KDM4C: variants seen among roughly 807,000 people sequenced by gnomAD.
KDM4C encodes lysine-specific demethylase 4C.
KDM4C carries 81 observed loss-of-function variants against 129.3 expected under a neutral mutation model. The observed-to-expected ratio is 0.63, with a 90% CI of 0.52 to 0.75. The LOEUF is 0.75. KDM4C is among the 30% of genes least tolerant of loss of function. The probability of loss-of-function intolerance (pLI) is 0.00; values close to 1 mark genes in which losing one functional copy is unlikely to be tolerated. For synonymous variants in KDM4C, 573 were observed against 456.1 expected (o/e 1.26, Z -3.26); for missense variants, 1,457 against 1,304.0 (o/e 1.12, Z -1.81).
In KDM4C at chr9:7,039,770, C is replaced by A. The variant is rs547320435; in HGVS notation, c.2260-7092C>A. ...AGTGGATCATCATAAAGGTCTTCAT[C>A]CTTGTTATCTTCATGTTGAGTAGGC... is the stretch of plus-strand genomic sequence containing the variant. On this transcript the variant is annotated intron_variant, in intron 15 of 21. Coordinates refer to ENST00000381309, the MANE Select transcript of KDM4C (RefSeq NM_015061.6). 6.6e-5 allele frequency among the ~76,000 whole-genome samples: 10 copies of A among 152,030 alleles called. No individual in the cohort carries two copies. In the East Asian group the frequency reaches 1.9e-3, roughly 29 times the overall value.
intron 4 of KDM4C, among the ~76,000 whole-genome samples, chr9:6,822,452 A>G (rs1478331790): frequency 6.6e-6 from 1 of 152,248 alleles, no homozygotes; most frequent in Admixed American, 6.5e-5. Flanking sequence ...ATTGCAAGAA[A>G]GAAATTGGAG....
intron 15 of KDM4C, among the ~76,000 whole-genome samples, chr9:7,023,089 G>GCTT (rs1825171165): frequency 6.6e-6 from 1 of 152,110 alleles, no homozygotes; most frequent in African/African-American, 2.4e-5. Context: ...GTTCATCAGG[G>GCTT]CTATTGGCTG....
chr9:7,043,629 G>A (rs916081278), intron 15 of KDM4C, among the ~76,000 whole-genome samples: 5 of 151,818 alleles, frequency 3.3e-5, no homozygotes, highest in African/African-American at 1.2e-4. Flanking sequence ...GACCCTCTGA[G>A]GGCCATTGAG....
At chr9:6,969,588 A>ACATGACT (rs1463533460) in intron 8 of KDM4C, among the ~76,000 whole-genome samples, 1 of 152,210 alleles carries the variant, frequency 6.6e-6, no homozygotes, top group East Asian at 1.9e-4. Flanking sequence ...GGATCACATC[A>ACATGACT]CATGACTGTC....
intron 1 of KDM4C, among the ~76,000 whole-genome samples, chr9:6,766,131 G>A (rs59844726): frequency 0.096 from 14,661 of 152,174 alleles, 829 homozygotes; most frequent in Non-Finnish European, 0.11. Context: ...TGTATAGGTT[G>A]AGTATTCCTT....
At chr9:6,847,686 G>C (rs1838101713) in intron 4 of KDM4C, among the ~76,000 whole-genome samples, 1 of 152,128 alleles carries the variant, frequency 6.6e-6, no homozygotes, top group South Asian at 2.1e-4. Context: ...CTCCGCGCCC[G>C]GCCGGATCTT....
At chr9:7,019,686 T>TTATAAAAATATTATATTTTTATA (rs1563992577) in intron 15 of KDM4C, among the ~76,000 whole-genome samples, 846 of 58,552 alleles carry the variant, frequency 0.014, 41 homozygotes, top group East Asian at 0.058. Flanking sequence ...AGAGACTATA[T>TTATAAAAATATTATATTTTTATA]TATAAAAATA....
intron 4 of KDM4C, among the ~76,000 whole-genome samples, chr9:6,823,820 G>A (rs988439477): frequency 1.3e-5 from 2 of 152,194 alleles, no homozygotes; most frequent in Non-Finnish European, 2.9e-5. Context: ...AATATCTGAT[G>A]GGCCTCCTTC....
chr9:6,816,990 G>A (rs1398873481), intron 4 of KDM4C, among the ~76,000 whole-genome samples: 1 of 151,730 alleles, frequency 6.6e-6, no homozygotes, highest in Non-Finnish European at 1.5e-5. Context: ...TTTCAAAGAC[G>A]ATTCTTATTT....
intron 8 of KDM4C, among the ~76,000 whole-genome samples, chr9:6,899,542 G>GAT (rs1554633823): frequency 6.7e-5 from 10 of 150,054 alleles, no homozygotes; most frequent in Non-Finnish European, 1.2e-4. Context: ...TTTCCATGGG[G>GAT]GTGTGTGTGT....
At chr9:7,126,109 G>A (rs1389169211) in intron 18 of KDM4C, among the ~76,000 whole-genome samples, 2 of 152,176 alleles carry the variant, frequency 1.3e-5, no homozygotes, top group African/African-American at 4.8e-5. Flanking sequence ...TCTGAGAGAA[G>A]TCATTTATTC....
intron 1 of KDM4C, among the ~76,000 whole-genome samples, chr9:6,770,818 C>T (rs537585174): frequency 7.4e-6 from 1 of 135,506 alleles, no homozygotes; most frequent in Admixed American, 8.2e-5. Flanking sequence ...CTCTGTCGCT[C>T]AGGCTGGAAT....
In KDM4C at chr9:6,722,352, C is replaced by G. The variant is rs569808581; in HGVS notation, c.49+1355C>G. On this transcript the variant is annotated intron_variant, in intron 1 of 17. Coordinates refer to the KDM4C transcript ENST00000536108. ...TGAAATGGAAAAGATTTCCCTGGGT[C>G]TGATAGTACATGCTACCCATCAGTG... 7.2e-4 allele frequency among the ~76,000 whole-genome samples: 110 copies of G among 152,172 alleles called. 1 individual carries two copies. Among genetic ancestry groups the G allele is most frequent in the Admixed American group, 1.8e-3 (28 of 15,254 alleles).
intron 17 of KDM4C, among the ~76,000 whole-genome samples, chr9:7,051,137 A>T (rs755754234): frequency 1.3e-5 from 2 of 152,194 alleles, no homozygotes; most frequent in African/African-American, 4.8e-5. Flanking sequence ...TATTTTTCAT[A>T]TAATGTTATA....
intron 8 of KDM4C, among the ~76,000 whole-genome samples, chr9:6,959,418 A>G (rs116480429): frequency 0.018 from 2,759 of 152,242 alleles, 88 homozygotes; most frequent in African/African-American, 0.062. Flanking sequence ...TGCCTTGAAG[A>G]ATGATTTCTG....
In KDM4C at chr9:7,080,416, T is replaced by C. The variant is rs115978269; in HGVS notation, c.2425-23269T>C. ...CCAGTACTGTTATCTGAGCAAGAAG[T>C]GAGGTTCTGTTGTGTTAAGGCCATT... On this transcript the variant is annotated intron_variant, in intron 17 of 21. Coordinates refer to ENST00000381309, the MANE Select transcript of KDM4C (RefSeq NM_015061.6). 2.7e-3 allele frequency among the ~76,000 whole-genome samples: 406 copies of C among 152,232 alleles called. 1 individual carries two copies. Among genetic ancestry groups the C allele is most frequent in the African/African-American group, 9.3e-3 (388 of 41,546 alleles).
chr9:7,027,608 T>G (rs1381423171), intron 15 of KDM4C, among the ~76,000 whole-genome samples: 2 of 152,136 alleles, frequency 1.3e-5, no homozygotes, highest in Non-Finnish European at 2.9e-5. Flanking sequence ...GATACTATGT[T>G]TGCTCAGGCC....
intron 8 of KDM4C, among the ~76,000 whole-genome samples, chr9:6,913,075 T>C (rs561703614): frequency 1.3e-5 from 2 of 152,314 alleles, no homozygotes; most frequent in African/African-American, 4.8e-5. Flanking sequence ...AAGTGAAAAC[T>C]ATGACATACT....
intron 5 of KDM4C, among the ~76,000 whole-genome samples, chr9:6,871,838 T>G (rs1161859506): frequency 6.6e-6 from 1 of 152,158 alleles, no homozygotes; most frequent in East Asian, 1.9e-4. Flanking sequence ...TTCTACCTCA[T>G]AGAACTCAAG....
Sources: allele counts gnomAD v4.1 joint callset (sites outside exome capture counted in the v4.1 genomes callset), GRCh38; gene constraint gnomAD v4.1.1; transcripts MANE v1.5; gene names NCBI Gene and HGNC (gene_info 2026-07-23, HGNC 2026-07-21).